Variants in PCCB observed in about 807,000 individuals in gnomAD.
The protein encoded by PCCB is propionyl-CoA carboxylase subunit beta, also known as propionyl-CoA carboxylase beta chain, mitochondrial.
In PCCB, 43 loss-of-function variants were observed where a neutral mutation model predicts 60.7. The observed-to-expected ratio is 0.71, with a 90% CI of 0.55 to 0.91. The LOEUF is 0.91. Ranked by LOEUF, PCCB falls within the 40% of genes least tolerant of loss-of-function variation. The pLI, the probability that PCCB is intolerant of heterozygous loss-of-function variation, is 0.00. For synonymous variants in PCCB, 276 were observed against 255.9 expected (o/e 1.08, Z -0.75); for missense variants, 766 against 702.8 (o/e 1.09, Z -1.02).
At chr3:136,252,033 A>G (rs1941531150) in intron 1 of PCCB, among the ~76,000 whole-genome samples, 1 of 151,628 alleles carries the variant, frequency 6.6e-6, no homozygotes. Context: ...GCCCACGACC[A>G]TGCCTGGCAA....
intron 5 of PCCB, among the ~76,000 whole-genome samples, chr3:136,270,265 C>T (rs1942158566): frequency 6.6e-6 from 1 of 152,032 alleles, no homozygotes; most frequent in African/African-American, 2.4e-5. Context: ...TGGGCTCTGC[C>T]AGTATTTCCT....
intron 10 of PCCB, among the ~76,000 whole-genome samples, chr3:136,325,225 A>G (rs963033535): frequency 7.2e-5 from 11 of 151,884 alleles, no homozygotes; most frequent in African/African-American, 1.5e-4. Flanking sequence ...GAGTGTCACT[A>G]TGTTGCCCAG....
chr3:136,252,430 A>G (rs1941542428), intron 1 of PCCB: 1 of 408,422 alleles, frequency 2.4e-6, no homozygotes, highest in Non-Finnish European at 4.9e-6. Flanking sequence ...TATTTTTAGT[A>G]GAGATGGAGT....
Position 136,329,771 on chromosome 3 carries a change from C to G in PCCB, c.1499-134C>G, listed in dbSNP as rs1001749590. The G allele has an allele frequency of 4.5e-5, 41 of 916,890 alleles. No individual in the cohort carries two copies. In the Admixed American group the frequency reaches 7.3e-4, roughly 16 times the overall value. 56.8% of individuals were successfully genotyped at this position (916,890 alleles called of 1,614,324 possible). On this transcript the variant is annotated intron_variant, in intron 14 of 14. Transcript: ENST00000251654. Reference sequence around the variant, plus strand: ...GGATACAAGGGGGAATTCACAGGGCCTACCATCTCTGTATCAGGTTGGGCA... The same window carrying G: ...GGATACAAGGGGGAATTCACAGGGCGTACCATCTCTGTATCAGGTTGGGCA...
At chr3:136,254,518 C>CCTTTTT (rs1442788791) in intron 1 of PCCB, among the ~76,000 whole-genome samples, 1 of 45,926 alleles carries the variant, frequency 2.2e-5, no homozygotes, top group Non-Finnish European at 3.7e-5. Context: ...CTGCGGCTAG[C>CCTTTTT]TTTTTTTTTT....
At chr3:136,271,558 T>C (rs560989580) in intron 5 of PCCB, among the ~76,000 whole-genome samples, 81 of 152,176 alleles carry the variant, frequency 5.3e-4, no homozygotes, top group African/African-American at 1.8e-3. Flanking sequence ...GTTTCACTTG[T>C]AGAGATCTTC....
At chr3:136,316,042 G>C (rs1344051115) in intron 9 of PCCB, among the ~76,000 whole-genome samples, 1 of 151,872 alleles carries the variant, frequency 6.6e-6, no homozygotes. Context: ...AACATAGCGA[G>C]ATCTCATCTC....
At chr3:136,282,169 G>A (rs553969505) in intron 5 of PCCB, among the ~76,000 whole-genome samples, 3 of 152,278 alleles carry the variant, frequency 2.0e-5, no homozygotes, top group Admixed American at 6.5e-5. Flanking sequence ...GAACATCCTC[G>A]TGGCTACCTG....
intron 5 of PCCB, among the ~76,000 whole-genome samples, chr3:136,265,865 G>A (rs1271609629): frequency 3.3e-5 from 5 of 149,558 alleles, no homozygotes; most frequent in Admixed American, 6.7e-5. Flanking sequence ...TTGCCCTGTC[G>A]CCCAGGCTGG....
Position 136,316,962 on chromosome 3 carries a change from T to C in PCCB, c.988T>C (p.Phe330Leu). 1 of 1,614,138 alleles carries C rather than the reference T, an allele frequency of 6.2e-7. No individual in the cohort carries two copies. Among genetic ancestry groups the C allele is most frequent in the Non-Finnish European group, 8.5e-7 (1 of 1,180,002 alleles). The change falls in exon 10 of 15, where the codon TTT becomes CTT. Residue 330 changes from phenylalanine (F) to leucine (L), a missense_variant. By Grantham distance (22) the Phe-to-Leu change is conservative. Coordinates refer to ENST00000251654, the MANE Select transcript of PCCB (RefSeq NM_000532.5). ...IHSVVDEREF[F>L]EIMPNYAKNI... ...GCAGGTTGTTGATGAGCGTGAATTT[T>C]TTGAGATCATGCCCAATTATGCCAA...
intron 8 of PCCB, among the ~76,000 whole-genome samples, chr3:136,299,757 T>C (rs564058267): frequency 4.7e-5 from 7 of 149,158 alleles, no homozygotes; most frequent in Admixed American, 4.6e-4. Flanking sequence ...TATGCATGTG[T>C]GTGTATGTAT....
intron 13 of PCCB, 62 bp from the exon 14 acceptor site, chr3:136,328,696 G>C: frequency 7.6e-7 from 1 of 1,321,850 alleles, no homozygotes; most frequent in Non-Finnish European, 1.1e-6. Context: ...GTGATAATGA[G>C]TTGAAGGAGA....
chr3:136,267,884 T>C (rs1942047750), intron 5 of PCCB, among the ~76,000 whole-genome samples: 1 of 151,130 alleles, frequency 6.6e-6, no homozygotes. Context: ...TGTAAAAACT[T>C]GTAATACAAA....
chr3:136,319,262 TTTG>T (rs1280753029), intron 10 of PCCB, among the ~76,000 whole-genome samples: 5 of 152,318 alleles, frequency 3.3e-5, no homozygotes, highest in South Asian at 2.1e-4. Flanking sequence ...TTGTGTGTTT[TTTG>T]TTGTTGAGTT....
At chr3:136,277,050 G>A (rs1011799053) in intron 5 of PCCB, among the ~76,000 whole-genome samples, 3 of 152,148 alleles carry the variant, frequency 2.0e-5, no homozygotes, top group Non-Finnish European at 4.4e-5. Flanking sequence ...CAAGGGATCC[G>A]GTAATGGGAC....
chr3:136,267,552 A>G (rs532758594), intron 5 of PCCB, among the ~76,000 whole-genome samples: 1 of 151,908 alleles, frequency 6.6e-6, no homozygotes, highest in Non-Finnish European at 1.5e-5. Context: ...TGGTGTAATC[A>G]TGGCTCACTG....
At chr3:136,256,143 A>G in intron 2 of PCCB, 168 bp downstream of exon 2, 1 of 981,822 alleles carries the variant, frequency 1.0e-6, no homozygotes, top group East Asian at 2.7e-5. Flanking sequence ...GGCTTTCGCC[A>G]TGTTGGTCAG....
At chr3:136,293,722 T>C in intron 6 of PCCB, 34 bp from the exon 7 acceptor site, 1 of 1,334,910 alleles carries the variant, frequency 7.5e-7, no homozygotes, top group South Asian at 1.2e-5. Flanking sequence ...TCTGGTGCTC[T>C]GAGGTTGACT....
At chr3:136,291,985 A>G (rs763154032) in intron 6 of PCCB, among the ~76,000 whole-genome samples, 1 of 152,148 alleles carries the variant, frequency 6.6e-6, no homozygotes, top group Non-Finnish European at 1.5e-5. Context: ...CGGTTTTCCT[A>G]CATCAGCCCT....
Sources: gnomAD v4.1 joint callset for allele counts (sites outside exome capture counted in the v4.1 genomes callset) on GRCh38, gnomAD v4.1.1 for gene constraint, MANE v1.5 for transcripts, NCBI Gene and HGNC (gene_info 2026-07-23, HGNC 2026-07-21) for gene names.